Variants in FAM200B observed in about 807,000 individuals in gnomAD.
FAM200B encodes zinc finger BED-type containing 11, also known as protein FAM200B.
In FAM200B, 32 loss-of-function variants were observed where a neutral mutation model predicts 33.1. The observed-to-expected ratio is 0.97, with a 90% CI of 0.73 to 1.30. The LOEUF is 1.30. Ranked by LOEUF, FAM200B falls within the 50% of genes most tolerant of loss-of-function variation. The pLI is 0.00. For missense variants in FAM200B, 741 were observed against 754.0 expected (o/e 0.98, Z 0.20); for synonymous variants, 240 against 264.8 (o/e 0.91, Z 0.91).
At chr4:15,666,398 T>G in the FAM200B span, among the ~76,000 whole-genome samples, 1 of 151,928 alleles carries the variant, frequency 6.6e-6, no homozygotes, top group Non-Finnish European at 1.5e-5. Context: ...AGACCCTGCC[T>G]AAAAAAATAA....
At chr4:15,671,566 G>A in the FAM200B span, among the ~76,000 whole-genome samples, 5 of 152,180 alleles carry the variant, frequency 3.3e-5, no homozygotes, top group Non-Finnish European at 7.4e-5. Flanking sequence ...GAGCCACCAC[G>A]CCTGGGTGGT....
At position 15,689,687 on chromosome 4, in the gene FAM200B, G is replaced by C. The variant is rs1007135427; in HGVS notation, c.*736G>C. The C allele has an allele frequency of 2.0e-4, 32 of 158,148 alleles. No individual in the cohort carries two copies. Among genetic ancestry groups the C allele is most frequent in the African/African-American group, 7.0e-4 (29 of 41,550 alleles). 9.8% of individuals were successfully genotyped at this position (158,148 alleles called of 1,614,324 possible). On this transcript the variant is annotated 3_prime_UTR_variant, in exon 2 of 2. Transcript: ENST00000422728. ...AGCTACTCAGGAGGCTGTGGCAGGA[G>C]GGTCGCTTGACCTCAGGAGTTTGAA... is the stretch of plus-strand genomic sequence containing the variant.
chr4:15,683,113 T>G (rs1289648637), intron 1 of FAM200B, among the ~76,000 whole-genome samples: 1 of 152,208 alleles, frequency 6.6e-6, no homozygotes, highest in Non-Finnish European at 1.5e-5. Flanking sequence ...TATCAAGCAT[T>G]GTAACAATAA....
the FAM200B span, chr4:15,644,819 A>T: frequency 2.0e-5 from 14 of 694,922 alleles, no homozygotes; most frequent in Non-Finnish European, 3.1e-5. Flanking sequence ...CTTCCCTTAC[A>T]CTTGGTTAAA....
the FAM200B span, chr4:15,638,441 G>A: frequency 8.2e-7 from 1 of 1,218,660 alleles, no homozygotes. Context: ...AAAATCTACA[G>A]TTCATATCAG....
the FAM200B span, among the ~76,000 whole-genome samples, chr4:15,649,356 G>A: frequency 6.6e-6 from 1 of 152,008 alleles, no homozygotes; most frequent in African/African-American, 2.4e-5. Flanking sequence ...GAGGCAGGCG[G>A]ATCACAAGGT....
At chr4:15,644,450 T>C in the FAM200B span, 8 of 1,519,354 alleles carry the variant, frequency 5.3e-6, no homozygotes, top group African/African-American at 1.4e-5. Flanking sequence ...TACCAGAAGA[T>C]GGCACAAGTT....
At chr4:15,674,125 G>C in the FAM200B span, among the ~76,000 whole-genome samples, 1 of 151,720 alleles carries the variant, frequency 6.6e-6, no homozygotes, top group African/African-American at 2.4e-5. Context: ...GTTATGCTTG[G>C]TGCCTGCAGA....
the FAM200B span, among the ~76,000 whole-genome samples, chr4:15,652,513 C>T: frequency 6.6e-6 from 1 of 152,194 alleles, no homozygotes; most frequent in East Asian, 1.9e-4. Context: ...AAAAAGAAAT[C>T]CATGGGCAAA....
Position 15,688,887 on chromosome 4 carries a change from T to A in FAM200B, c.1910T>A (p.Val637Glu), listed in dbSNP as rs1719150343. 10 of 1,549,414 alleles carry A rather than the reference T, an allele frequency of 6.5e-6. No individual in the cohort carries two copies. In the South Asian group the frequency reaches 1.1e-4, roughly 17 times the overall value. The change falls in exon 2 of 2, where the codon GTA (valine) becomes GAA (glutamate). Residue 637 changes from valine to glutamate, a missense_variant. Coordinates refer to ENST00000422728, the MANE Select transcript of FAM200B (RefSeq NM_001145191.2). ...CTGAATTGTGCAGCAGTTATGCGGG[T>A]AGCATTATCTTCCTGTGTTCCAGAC... is the stretch of plus-strand genomic sequence containing the variant. The part of the protein sequence containing the change: ...NGLNCAAVMR[V>E]ALSSCVPDWN...
the FAM200B span, among the ~76,000 whole-genome samples, chr4:15,644,921 G>A: frequency 6.2e-4 from 94 of 152,164 alleles, 2 homozygotes; most frequent in East Asian, 0.018. Flanking sequence ...CATTCTGGAG[G>A]GCCTGGTGAC....
At chr4:15,655,085 A>C in the FAM200B span, 1 of 717,748 alleles carries the variant, frequency 1.4e-6, no homozygotes, top group Non-Finnish European at 1.8e-6. Context: ...GCAGGCGGCT[A>C]CTCGCGCGGC....
Position 15,687,601 on chromosome 4 carries a change from A to G in FAM200B, c.624A>G (p.Ala208=), listed in dbSNP as rs1718993743. Residue 208 remains alanine (A), a synonymous_variant, in exon 2 of 2, where the codon GCA becomes GCG. Coordinates refer to ENST00000422728, the MANE Select transcript of FAM200B (RefSeq NM_001145191.2). ...NTVSLRICTI[A]EHLETMLITR... is the part of the protein sequence containing the mutation. ...TATCTCTTCGAATTTGTACTATTGC[A>G]GAACATTTAGAAACAATGCTTATTA... The G allele has an allele frequency of 6.4e-7, 1 of 1,551,068 alleles. No individual in the cohort carries two copies. The highest frequency in any genetic ancestry group is 2.4e-5 in the East Asian group (1 of 40,880).
At chr4:15,642,598 C>A in the FAM200B span, among the ~76,000 whole-genome samples, 1 of 152,128 alleles carries the variant, frequency 6.6e-6, no homozygotes, top group Non-Finnish European at 1.5e-5. Context: ...GTCTCTTTTT[C>A]CAGAACTAAT....
Position 15,686,929 on chromosome 4 carries a change from T to C in FAM200B, c.-49T>C. On this transcript the variant is annotated 5_prime_UTR_variant, in exon 2 of 2. Transcript: ENST00000422728. ...TATATTTTTTTCTTCTTTTTTGAGTTAGTGCCAATTATAACATTTTAATCA... is the reference window on the plus strand; with the variant it reads ...TATATTTTTTTCTTCTTTTTTGAGTCAGTGCCAATTATAACATTTTAATCA... 1 of 956,016 alleles carries C rather than the reference T, an allele frequency of 1.0e-6. No individual in the cohort carries two copies. Among genetic ancestry groups the C allele is most frequent in the Non-Finnish European group, 1.5e-6 (1 of 679,092 alleles). 59.2% of individuals were successfully genotyped at this position (956,016 alleles called of 1,614,324 possible). A position where few individuals can be genotyped will look rare whatever the true frequency, so the allele number is the denominator to read the frequency against.
At chr4:15,660,146 A>G in the FAM200B span, among the ~76,000 whole-genome samples, 2 of 151,836 alleles carry the variant, frequency 1.3e-5, no homozygotes, top group Non-Finnish European at 2.9e-5. Context: ...TGGCACAAAC[A>G]TAGCTTACTG....
chr4:15,652,812 G>C, the FAM200B span, among the ~76,000 whole-genome samples: 1 of 152,140 alleles, frequency 6.6e-6, no homozygotes, highest in Non-Finnish European at 1.5e-5. Context: ...AATTTGTACA[G>C]TGAAATAACT....
chr4:15,659,876 C>G, the FAM200B span: 6 of 199,872 alleles, frequency 3.0e-5, no homozygotes, highest in Non-Finnish European at 5.4e-5. Flanking sequence ...TCAGGGACAA[C>G]TTGACTCAGC....
In FAM200B at chr4:15,688,567, A is replaced by G. The variant is rs1233738725; in HGVS notation, c.1590A>G (p.Thr530=). The G allele has an allele frequency of 2.6e-6, 4 of 1,550,768 alleles. No homozygotes were observed. In the East Asian group the frequency reaches 9.8e-5, roughly 38 times the overall value. The change falls in exon 2 of 2, where the codon ACA becomes ACG. Residue 530 remains threonine (T), a synonymous_variant. Transcript: ENST00000422728. ...TCTTTCCAGAAGAAAAATTTGAAAC[A>G]TTAAGGGAAAACAGTTGGGTAAAAG... The part of the protein sequence containing the change: ...NHFFPEEKFE[T]LRENSWVKDP...
Sources: allele counts gnomAD v4.1 joint callset (sites outside exome capture counted in the v4.1 genomes callset), GRCh38; gene constraint gnomAD v4.1.1; transcripts MANE v1.5; gene names NCBI Gene and HGNC (gene_info 2026-07-23, HGNC 2026-07-21).